The following SEMA5B variants were observed in gnomAD, a reference collection of about 807,000 sequenced individuals.
The protein encoded by SEMA5B is semaphorin 5B.
In SEMA5B, 66 loss-of-function variants were observed where a neutral mutation model predicts 135.0. The observed-to-expected ratio is 0.49, with a 90% confidence interval of 0.40 to 0.60. The LOEUF (loss-of-function observed/expected upper bound fraction) is 0.60, where lower values mean the gene tolerates loss of function less well. Among genes scored for constraint, SEMA5B ranks in the 20% least tolerant of loss-of-function variants. SEMA5B has a pLI of 0.00. For synonymous variants in SEMA5B, 690 were observed against 639.5 expected (o/e 1.08, Z -1.19); for missense variants, 1,501 against 1,566.3 (o/e 0.96, Z 0.70).
At chr3:122,974,675 G>T (rs1293452898) in intron 1 of SEMA5B, among the ~76,000 whole-genome samples, 3 of 152,036 alleles carry the variant, frequency 2.0e-5, no homozygotes, top group Non-Finnish European at 4.4e-5. Flanking sequence ...AAGGGGAGGG[G>T]GGTCTTTAAG....
intron 3 of SEMA5B, among the ~76,000 whole-genome samples, chr3:122,947,842 A>T (rs1939858562): frequency 6.7e-6 from 1 of 148,642 alleles, no homozygotes; most frequent in South Asian, 2.1e-4. Flanking sequence ...CACAACCATG[A>T]CCCCCCCCAA....
At chr3:123,022,323 C>T (rs1942702611) in intron 1 of SEMA5B, among the ~76,000 whole-genome samples, 2 of 152,206 alleles carry the variant, frequency 1.3e-5, no homozygotes, top group Non-Finnish European at 2.9e-5. Flanking sequence ...CAGGACATTT[C>T]TGGTTCAAAT....
At chr3:123,022,913 T>C (rs1196730632) in intron 1 of SEMA5B, among the ~76,000 whole-genome samples, 1 of 152,214 alleles carries the variant, frequency 6.6e-6, no homozygotes, top group Non-Finnish European at 1.5e-5. Context: ...GCATTCAAGC[T>C]GGTTATAAAG....
chr3:122,925,698 AAAAG>A (rs536325172), intron 9 of SEMA5B, among the ~76,000 whole-genome samples: 124 of 152,298 alleles, frequency 8.1e-4, no homozygotes, highest in Middle Eastern at 3.4e-3. Flanking sequence ...AAAAAAAAGA[AAAAG>A]AAAAAAAGTA....
intron 1 of SEMA5B, among the ~76,000 whole-genome samples, chr3:122,983,873 T>C (rs1941614091): frequency 6.6e-6 from 1 of 151,524 alleles, no homozygotes; most frequent in African/African-American, 2.4e-5. Flanking sequence ...GTTAGTGTTG[T>C]GATTATCTTA....
chr3:122,982,607 C>T (rs1941553470), intron 1 of SEMA5B, among the ~76,000 whole-genome samples: 1 of 152,156 alleles, frequency 6.6e-6, no homozygotes, highest in African/African-American at 2.4e-5. Flanking sequence ...TCAAGTGCCC[C>T]AGCCCTCCTC....
In SEMA5B at chr3:122,928,991, C is replaced by T. The variant is rs746139068; in HGVS notation, c.537+5G>A. Reference sequence around the variant, plus strand: ...TGGGGCCCCTGGACCGCCGAGACCACGTACCTCAGTCTTCCCTTTGCTTTG... The same window carrying T: ...TGGGGCCCCTGGACCGCCGAGACCATGTACCTCAGTCTTCCCTTTGCTTTG... On this transcript the variant is annotated splice_donor_5th_base_variant and intron_variant, in intron 6 of 22. Coordinates refer to ENST00000357599, the MANE Select transcript of SEMA5B (RefSeq NM_001031702.4). The T allele has an allele frequency of 7.4e-6, 12 of 1,612,142 alleles. No homozygotes were observed. Among genetic ancestry groups the T allele is most frequent in the Admixed American group, 1.7e-5 (1 of 60,026 alleles).
chr3:122,964,247 C>T (rs773908216), intron 1 of SEMA5B, among the ~76,000 whole-genome samples: 1 of 152,196 alleles, frequency 6.6e-6, no homozygotes, highest in East Asian at 1.9e-4. Flanking sequence ...AACCCATTGT[C>T]GAGTCCTGGC....
chr3:123,005,131 T>C (rs183477382), intron 1 of SEMA5B, among the ~76,000 whole-genome samples: 186 of 152,048 alleles, frequency 1.2e-3, no homozygotes, highest in African/African-American at 4.3e-3. Context: ...TCAAGCACCA[T>C]AGCCAATCCA....
At chr3:122,969,814 T>TG (rs772926033) in intron 1 of SEMA5B, among the ~76,000 whole-genome samples, 2 of 152,140 alleles carry the variant, frequency 1.3e-5, no homozygotes, top group Admixed American at 6.5e-5. Context: ...TCTGAGGTAG[T>TG]GGGGAATGTA....
intron 2 of SEMA5B, among the ~76,000 whole-genome samples, chr3:122,955,481 A>G (rs1183710324): frequency 6.6e-6 from 1 of 152,218 alleles, no homozygotes; most frequent in East Asian, 1.9e-4. Context: ...TTCCTATCCC[A>G]TACAGTTTGG....
intron 1 of SEMA5B, among the ~76,000 whole-genome samples, chr3:123,024,805 G>A (rs2107846249): frequency 6.6e-6 from 1 of 152,252 alleles, no homozygotes; most frequent in Non-Finnish European, 1.5e-5. Context: ...TAGATATAAG[G>A]GGTCAGGCTA....
rs746522329 is a variant in SEMA5B at position 122,929,076 on chromosome 3, G to A, written c.475-18C>T. The A allele has an allele frequency of 3.1e-6, 5 of 1,609,278 alleles. No individual in the cohort carries two copies. Among genetic ancestry groups the A allele is most frequent in the Non-Finnish European group, 4.2e-6 (5 of 1,179,130 alleles). On this transcript the variant is annotated intron_variant, in intron 5 of 22. Coordinates refer to ENST00000357599, the MANE Select transcript of SEMA5B (RefSeq NM_001031702.4). ...TCTGTGGCCTGGGGGAGGAACATAG[G>A]AGCACACAGACATCACATGGCTGTG... is the stretch of plus-strand genomic sequence containing the variant.
chr3:123,003,934 A>T (rs1244878917), intron 1 of SEMA5B, among the ~76,000 whole-genome samples: 1 of 152,230 alleles, frequency 6.6e-6, no homozygotes, highest in African/African-American at 2.4e-5. Context: ...CTTGTTTAAC[A>T]TCTACCTAGA....
chr3:122,925,592 C>T (rs552012772), intron 9 of SEMA5B, among the ~76,000 whole-genome samples: 16 of 152,224 alleles, frequency 1.1e-4, no homozygotes, highest in African/African-American at 3.9e-4. Context: ...ATCGCTTGAA[C>T]CCAGGAGGCA....
At chr3:122,976,164 G>A in intron 1 of SEMA5B, 1 of 1,532,362 alleles carries the variant, frequency 6.5e-7, no homozygotes, top group Non-Finnish European at 8.7e-7. Context: ...CCTGTGTTGG[G>A]CTGTGCAGAT....
At chr3:122,940,028 G>A (rs1292370886) in intron 4 of SEMA5B, among the ~76,000 whole-genome samples, 2 of 152,114 alleles carry the variant, frequency 1.3e-5, no homozygotes, top group Non-Finnish European at 2.9e-5. Flanking sequence ...AGTGACTCCA[G>A]GTCTGACCTT....
Position 122,961,209 on chromosome 3 carries a change from G to A in SEMA5B, c.55C>T (p.Pro19Ser), listed in dbSNP as rs1425205106. The A allele has an allele frequency of 6.2e-7, 1 of 1,613,970 alleles. No homozygotes were observed. The highest frequency in any genetic ancestry group is 2.2e-5 in the East Asian group (1 of 44,876). ...CTTAGCTGTTGGGCTGGGGTATCAG[G>A]CGGCCCAGGGACGAGGTGGTGGGCA... ...PVAHHLVPGPPDTPAQQLRCG... is the reference protein window; with the variant it reads ...PVAHHLVPGPSDTPAQQLRCG... The change falls in exon 2 of 23, where the codon CCT becomes TCT. Residue 19 changes from proline (P) to serine (S), a missense_variant. This residue lies in a region of SEMA5B where 574 missense variants were observed against 684.7 expected (regional missense o/e 0.84). Transcript: ENST00000357599.
intron 1 of SEMA5B, among the ~76,000 whole-genome samples, chr3:122,977,234 C>G (rs902836954): frequency 6.6e-5 from 10 of 152,254 alleles, no homozygotes; most frequent in African/African-American, 2.4e-4. Context: ...TTGAGAAAGC[C>G]CTTTGTAAAG....
Sources: allele counts gnomAD v4.1 joint callset (sites outside exome capture counted in the v4.1 genomes callset), GRCh38; gene constraint gnomAD v4.1.1; regional missense constraint gnomAD v4.1.1; transcripts MANE v1.5; gene names NCBI Gene and HGNC (gene_info 2026-07-23, HGNC 2026-07-21).